SLC45A4: variants seen among roughly 807,000 people sequenced by gnomAD.
SLC45A4 encodes solute carrier family 45 member 4, also known as polyamine-transporter SLC45A4.
In SLC45A4, 32 loss-of-function variants were observed where a neutral mutation model predicts 63.7. The ratio of observed to expected loss-of-function variants is 0.50; its 90% CI spans 0.38 to 0.67. The LOEUF is 0.67. SLC45A4 is among the 30% of genes least tolerant of loss of function. The pLI is 0.00. For missense variants in SLC45A4, 1,027 were observed against 1,157.7 expected (o/e 0.89, Z 1.64); for synonymous variants, 535 against 510.0 (o/e 1.05, Z -0.66).
intron 6 of SLC45A4, 43 bp from the exon 7 acceptor site, chr8:141,216,013 T>C (rs778878995): frequency 3.2e-5 from 51 of 1,570,668 alleles, no homozygotes; most frequent in Non-Finnish European, 4.0e-5. Flanking sequence ...GGCAGGCGGC[T>C]GGCTCCTGTC....
intron 2 of SLC45A4, chr8:141,225,480 C>CT (rs1826920735): frequency 6.6e-6 from 1 of 152,582 alleles, no homozygotes; most frequent in Non-Finnish European, 1.5e-5. Context: ...CAGCCATCAC[C>CT]TTCCTACTTG....
At chr8:141,250,738 C>T (rs188513738) in intron 2 of SLC45A4, among the ~76,000 whole-genome samples, 5 of 152,210 alleles carry the variant, frequency 3.3e-5, no homozygotes, top group East Asian at 1.9e-4. Flanking sequence ...ACGTGCGGTG[C>T]GGTAGGTGTG....
intron 1 of SLC45A4, among the ~76,000 whole-genome samples, chr8:141,296,793 G>A (rs2154615370): frequency 7.8e-6 from 1 of 127,544 alleles, no homozygotes; most frequent in East Asian, 2.3e-4. Flanking sequence ...CCGAGATCAT[G>A]CCACTATACT....
chr8:141,282,955 G>A (rs995289734), intron 1 of SLC45A4, among the ~76,000 whole-genome samples: 10 of 152,356 alleles, frequency 6.6e-5, no homozygotes, highest in Admixed American at 3.9e-4. Context: ...GAGGCCTAGC[G>A]GAGACGTGCA....
At chr8:141,213,316 A>G (rs1438056780) in intron 7 of SLC45A4, among the ~76,000 whole-genome samples, 1 of 152,210 alleles carries the variant, frequency 6.6e-6, no homozygotes, top group Non-Finnish European at 1.5e-5. Context: ...ACATTTACCA[A>G]CACGCGTGAT....
intron 1 of SLC45A4, among the ~76,000 whole-genome samples, chr8:141,270,853 C>T (rs767958847): frequency 2.0e-5 from 3 of 152,162 alleles, no homozygotes; most frequent in Non-Finnish European, 2.9e-5. Flanking sequence ...ACCACCAGCT[C>T]GACCAGCTCG....
At chr8:141,214,485 G>C (rs1826020155) in intron 7 of SLC45A4, among the ~76,000 whole-genome samples, 1 of 152,128 alleles carries the variant, frequency 6.6e-6, no homozygotes, top group Non-Finnish European at 1.5e-5. Context: ...TAATAGAAGG[G>C]TATGTCACAC....
rs144246050 is a variant in SLC45A4 at position 141,276,297 on chromosome 8, A to G, written c.-400-21668T>C. ...AACATCACACAAGTCTGGGTAAGTG[A>G]TATGACATTCAGGAGTGTTTTAAGA... On this transcript the variant is annotated intron_variant, in intron 1 of 8. Coordinates refer to ENST00000517878, the MANE Select transcript of SLC45A4 (RefSeq NM_001286646.2). 3.5e-3 allele frequency among the ~76,000 whole-genome samples: 533 copies of G among 152,342 alleles called. 1 individual carries two copies. The highest frequency in any genetic ancestry group is 9.8e-3 in the African/African-American group (407 of 41,572).
chr8:141,222,978 C>A (rs1396302502), intron 2 of SLC45A4, among the ~76,000 whole-genome samples: 1 of 152,240 alleles, frequency 6.6e-6, no homozygotes, highest in Non-Finnish European at 1.5e-5. Context: ...TAAAACACTT[C>A]CTTACGAAAT....
intron 2 of SLC45A4, chr8:141,230,444 T>C: frequency 4.5e-6 from 1 of 224,114 alleles, no homozygotes; most frequent in Non-Finnish European, 9.1e-6. Flanking sequence ...AGGACAGTCC[T>C]TGTATTGGAG....
intron 1 of SLC45A4, among the ~76,000 whole-genome samples, chr8:141,263,956 C>T (rs1253486215): frequency 6.6e-6 from 1 of 152,102 alleles, no homozygotes; most frequent in Non-Finnish European, 1.5e-5. Context: ...GCACTGGCCA[C>T]TCTGAAAGGA....
intron 2 of SLC45A4, among the ~76,000 whole-genome samples, chr8:141,237,223 G>C (rs557429901): frequency 3.4e-4 from 52 of 152,284 alleles, no homozygotes; most frequent in Non-Finnish European, 6.9e-4. Flanking sequence ...AATCGCTCAG[G>C]TTTCTCTGTA....
chr8:141,276,340 G>C (rs1829727017), intron 1 of SLC45A4, among the ~76,000 whole-genome samples: 1 of 152,198 alleles, frequency 6.6e-6, no homozygotes, highest in Non-Finnish European at 1.5e-5. Flanking sequence ...CTGAATCTCA[G>C]ATGGCCTAGA....
chr8:141,215,932 C>G lies in SLC45A4; in HGVS notation c.1768G>C (p.Val590Leu). 1.2e-6 allele frequency: 2 copies of G among 1,614,062 alleles called. No homozygotes were observed. Among genetic ancestry groups the G allele is most frequent in the Non-Finnish European group, 1.7e-6 (2 of 1,180,000 alleles). The change falls in exon 7 of 9, where the codon GTC becomes CTC. Residue 590 changes from valine (V) to leucine (L), a missense_variant. Transcript: ENST00000517878. This position sits in a 1 kb window ranked among gnomAD's most constrained non-coding sequence, Gnocchi z 4.3. ...QKYLDNYDLS[V>L]RVIYVLGTLG... Reference sequence around the variant, plus strand: ...GTCCCCAGCACGTAGATCACCCTGACGCTCAGGTCGTAGTTGTCCAAGTAC... The same window carrying G: ...GTCCCCAGCACGTAGATCACCCTGAGGCTCAGGTCGTAGTTGTCCAAGTAC...
At chr8:141,221,017 A>G (rs531782643) in intron 3 of SLC45A4, among the ~76,000 whole-genome samples, 19 of 152,278 alleles carry the variant, frequency 1.2e-4, no homozygotes, top group Non-Finnish European at 7.4e-5. Flanking sequence ...CTGCCGCTTA[A>G]CTCCCTCAGC....
At chr8:141,246,273 T>TA (rs1243678292) in intron 2 of SLC45A4, among the ~76,000 whole-genome samples, 1 of 152,078 alleles carries the variant, frequency 6.6e-6, no homozygotes, top group Non-Finnish European at 1.5e-5. Context: ...TGCTGCTGCG[T>TA]AACAAACTGC....
chr8:141,228,390 C>G, intron 2 of SLC45A4: 6 of 1,495,132 alleles, frequency 4.0e-6, no homozygotes, highest in Non-Finnish European at 4.5e-6. Flanking sequence ...TGGCCAGACC[C>G]AAGCAGGACG....
intron 2 of SLC45A4, among the ~76,000 whole-genome samples, chr8:141,244,953 T>TGGGGGGGGGGGGGGGGGGGGG (rs1332452740): frequency 3.6e-5 from 1 of 27,756 alleles, no homozygotes. Flanking sequence ...CAAGAAGACG[T>TGGGGGGGGGGGGGGGGGGGGG]GGGTGGGGGG....
chr8:141,254,718 G>A lies in SLC45A4; in HGVS notation c.-400-89C>T, dbSNP rs767739438. On this transcript the variant is annotated intron_variant, in intron 1 of 8. Coordinates refer to ENST00000517878, the MANE Select transcript of SLC45A4 (RefSeq NM_001286646.2). This position sits in a 1 kb window ranked among gnomAD's most constrained non-coding sequence, Gnocchi z 4.5. ...CCGCCGCCCGACCCCCGAGCAAGCC[G>A]TGTGCCCCGAGGGCCCGACCCAAGA... The A allele has an allele frequency of 2.5e-5, 17 of 687,492 alleles. No individual in the cohort carries two copies. The highest frequency in any genetic ancestry group is 2.0e-4 in the South Asian group (13 of 66,590). The allele number at this position is 687,492 out of a possible 1,614,324, so 42.6% of individuals were successfully genotyped here. A position where few individuals can be genotyped will look rare whatever the true frequency, so the allele number is the denominator to read the frequency against.
Sources: gnomAD v4.1 joint callset for allele counts (sites outside exome capture counted in the v4.1 genomes callset) on GRCh38, gnomAD v4.1.1 for gene constraint, Gnocchi (gnomAD v3.1) non-coding constraint, MANE v1.5 for transcripts, NCBI Gene and HGNC (gene_info 2026-07-23, HGNC 2026-07-21) for gene names.